WDR36: variants seen among roughly 807,000 people sequenced by gnomAD.
WDR36 encodes the protein WD repeat domain 36.
A neutral mutation model predicts 112.7 loss-of-function variants in WDR36; 63 were observed. The ratio of observed to expected loss-of-function variants is 0.56; its 90% CI spans 0.46 to 0.69. WDR36 has a LOEUF of 0.69. WDR36 is among the 30% of genes least tolerant of loss of function. The pLI, the probability that WDR36 is intolerant of heterozygous loss-of-function variation, is 0.00. For synonymous variants in WDR36, 410 were observed against 362.2 expected (o/e 1.13, Z -1.50); for missense variants, 1,226 against 1,070.3 (o/e 1.15, Z -2.03).
At chr5:111,094,789 T>G (rs1159747177) in intron 1 of WDR36, 131 bp from the exon 2 acceptor site, 3 of 725,000 alleles carry the variant, frequency 4.1e-6, no homozygotes, top group Non-Finnish European at 6.9e-6. Context: ...AAAATTAGTG[T>G]CAGTAAGTGT....
chr5:111,118,834 A>G lies in WDR36; in HGVS notation c.1797-179A>G, dbSNP rs73226358. On this transcript the variant is annotated intron_variant, in intron 16 of 22. Transcript: ENST00000513710. Reference sequence around the variant, plus strand: ...TCATTAAGTGAGATTATTTTCACATAGTAACTTAGTTAACAAAGCTGTTTA... The same window carrying G: ...TCATTAAGTGAGATTATTTTCACATGGTAACTTAGTTAACAAAGCTGTTTA... Among the ~76,000 whole-genome samples the G allele has an allele frequency of 0.023, 3,506 of 152,264 alleles. 138 individuals are homozygous for G. The highest frequency in any genetic ancestry group is 0.08 in the African/African-American group (3,343 of 41,530).
At position 111,104,944 on chromosome 5, in the gene WDR36, A is replaced by T. The variant is rs549226354; in HGVS notation, c.1027+127A>T. 5.3e-5 allele frequency: 76 copies of T among 1,432,972 alleles called. 1 individual carries two copies. In the South Asian group the frequency reaches 8.4e-4, roughly 16 times the overall value. The allele number at this position is 1,432,972 out of a possible 1,614,324, so 88.8% of individuals were successfully genotyped here. A position where few individuals can be genotyped will look rare whatever the true frequency, so the allele number is the denominator to read the frequency against. On this transcript the variant is annotated intron_variant, in intron 9 of 22. Coordinates refer to ENST00000513710, the MANE Select transcript of WDR36 (RefSeq NM_139281.3). ...CTTTGAGTGACTTAGAAGTCTGGGT[A>T]AAACTAAGAGTCCTTTTTGTCTACT...
At position 111,113,038 on chromosome 5, in the gene WDR36, ATATATATATATATATT is replaced by A; in HGVS notation, c.1717-34_1717-19del. On this transcript the variant is annotated intron_variant, in intron 15 of 22. Transcript: ENST00000513710. ...TCATATATATTTATATATAAATAATATATATATATATATATTTTTTTTTTTTAATTTAAAGGCTTTT... is the reference window on the plus strand; with the variant it reads ...TCATATATATTTATATATAAATAATATTTTTTTTTTAATTTAAAGGCTTTT... The A allele has an allele frequency of 2.9e-6, 1 of 350,404 alleles. No homozygotes were observed. The highest frequency in any genetic ancestry group is 4.1e-6 in the Non-Finnish European group (1 of 241,406). 21.7% of individuals were successfully genotyped at this position (350,404 alleles called of 1,614,324 possible). A position where few individuals can be genotyped will look rare whatever the true frequency, so the allele number is the denominator to read the frequency against.
chr5:111,127,863 G>C lies in WDR36; in HGVS notation c.*980G>C, dbSNP rs1435390956. 1 of 209,936 alleles carries C rather than the reference G, an allele frequency of 4.8e-6. No individual in the cohort carries two copies. Among genetic ancestry groups the C allele is most frequent in the Non-Finnish European group, 9.6e-6 (1 of 104,002 alleles). The allele number at this position is 209,936 out of a possible 1,614,324, so 13.0% of individuals were successfully genotyped here. A position where few individuals can be genotyped will look rare whatever the true frequency, so the allele number is the denominator to read the frequency against. On this transcript the variant is annotated 3_prime_UTR_variant, in exon 23 of 23. Coordinates refer to ENST00000513710, the MANE Select transcript of WDR36 (RefSeq NM_139281.3). ...ACAATTTTTAGCAATATTGTTTATT[G>C]CTACCACAGCCAAGAATGGGTATTT...
Position 111,092,358 on chromosome 5 carries a change from CA to C in WDR36, c.-98del. 1.2e-6 allele frequency: 2 copies of C among 1,614,232 alleles called. No homozygotes were observed. The highest frequency in any genetic ancestry group is 1.7e-6 in the Non-Finnish European group (2 of 1,180,058). On this transcript the variant is annotated 5_prime_UTR_variant, in exon 1 of 23. Transcript: ENST00000513710. ...GGCGCCGGAAGCGGTGTTGTGTCTGCAGCTCTGGCAGAGGACTGTTCCACTA... is the reference window on the plus strand; with the variant it reads ...GGCGCCGGAAGCGGTGTTGTGTCTGCGCTCTGGCAGAGGACTGTTCCACTA...
chr5:111,099,517 A>G (rs868069352), intron 4 of WDR36, among the ~76,000 whole-genome samples: 18 of 124,026 alleles, frequency 1.5e-4, no homozygotes, highest in Non-Finnish European at 8.5e-5. Context: ...ATTTCTGGGA[A>G]TTATTCCAGG....
At chr5:111,103,697 T>C in intron 6 of WDR36, 89 bp from the exon 7 acceptor site, 2 of 1,518,634 alleles carry the variant, frequency 1.3e-6, no homozygotes, top group Non-Finnish European at 1.8e-6. Flanking sequence ...ATTATTTCTT[T>C]TGATAACACC....
At chr5:111,113,512 A>G (rs1308502119) in intron 16 of WDR36, among the ~76,000 whole-genome samples, 1 of 152,074 alleles carries the variant, frequency 6.6e-6, no homozygotes. Flanking sequence ...TTCATGCTGA[A>G]TTTAGTTAAA....
At chr5:111,116,179 C>T (rs1487373941) in intron 16 of WDR36, among the ~76,000 whole-genome samples, 1 of 151,722 alleles carries the variant, frequency 6.6e-6, no homozygotes, top group East Asian at 1.9e-4. Flanking sequence ...AAACTCCTGA[C>T]CTCAAGTGAT....
In WDR36 at chr5:111,110,312, T is replaced by C. The variant is rs1026234241; in HGVS notation, c.1441+9T>C. 3 of 1,598,366 alleles carry C rather than the reference T, an allele frequency of 1.9e-6. No individual in the cohort carries two copies. Among genetic ancestry groups the C allele is most frequent in the African/African-American group, 2.7e-5 (2 of 74,546 alleles). ...TTTTGGCAAGGATCAAGGTAGAGAA[T>C]TTTTTTCCTTGTTTTTTATTAATGT... On this transcript the variant is annotated intron_variant, in intron 13 of 22. Transcript: ENST00000513710.
At chr5:111,096,734 C>T (rs551393655) in intron 2 of WDR36, among the ~76,000 whole-genome samples, 9 of 151,956 alleles carry the variant, frequency 5.9e-5, no homozygotes, top group Admixed American at 5.2e-4. Flanking sequence ...AAGATGTTCA[C>T]GTGAAGACTG....
intron 17 of WDR36, among the ~76,000 whole-genome samples, chr5:111,119,647 G>A (rs758997722): frequency 1.3e-5 from 2 of 151,904 alleles, no homozygotes; most frequent in Admixed American, 1.3e-4. Flanking sequence ...CATCACCTGG[G>A]TTTAGAAAAA....
chr5:111,125,805 A>G lies in WDR36; in HGVS notation c.2538+10A>G, dbSNP rs748029683. The G allele has an allele frequency of 5.0e-6, 8 of 1,613,544 alleles. No individual in the cohort carries two copies. The South Asian group carries it at 7.7e-5, about 16-fold the overall frequency. On this transcript the variant is annotated intron_variant, in intron 22 of 22. Transcript: ENST00000513710. ...TGCATTGTTTCTAAAGGTAAGTCTA[A>G]TGTAAGACAGTACTGCCCAGCTTGT...
Position 111,111,128 on chromosome 5 carries a change from AG to A in WDR36, c.1608-39del, listed in dbSNP as rs765006947. 2.5e-6 allele frequency: 4 copies of A among 1,596,150 alleles called. No individual in the cohort carries two copies. The Admixed American group carries it at 6.7e-5, about 27-fold the overall frequency. On this transcript the variant is annotated intron_variant, in intron 14 of 22. Transcript: ENST00000513710. ...CAAGTGGAGGTGAGATTTTAGTTCA[AG>A]GGTTTTTTGTTTATTAAAACTGGTG...
intron 1 of WDR36, 58 bp downstream of exon 1, chr5:111,092,676 T>C (rs538703421): frequency 1.3e-6 from 2 of 1,552,544 alleles, no homozygotes; most frequent in Admixed American, 3.7e-5. Flanking sequence ...CCTCTAACTC[T>C]GTCCTGGAGC....
At chr5:111,102,439 A>C (rs890721280) in intron 6 of WDR36, 40 bp downstream of exon 6, 1 of 1,575,406 alleles carries the variant, frequency 6.3e-7, no homozygotes, top group Non-Finnish European at 8.7e-7. Context: ...AACAAAGTTA[A>C]TAGGAAAATC....
At chr5:111,118,421 G>A (rs1005000307) in intron 16 of WDR36, among the ~76,000 whole-genome samples, 17 of 152,208 alleles carry the variant, frequency 1.1e-4, no homozygotes, top group African/African-American at 4.1e-4. Context: ...CCCTTCAGCA[G>A]TTTAAAGCTA....
intron 4 of WDR36, among the ~76,000 whole-genome samples, chr5:111,099,455 T>A (rs1753069883): frequency 1.5e-5 from 1 of 67,202 alleles, no homozygotes; most frequent in South Asian, 9.7e-4. Context: ...TTTTTTGTTT[T>A]TTTTTTTGTT....
chr5:111,094,231 A>G (rs1042863066), intron 1 of WDR36, among the ~76,000 whole-genome samples: 1 of 152,224 alleles, frequency 6.6e-6, no homozygotes, highest in Non-Finnish European at 1.5e-5. Flanking sequence ...AGCAGTTACT[A>G]TATGACTGGC....
Sources: gnomAD v4.1 joint callset for allele counts (sites outside exome capture counted in the v4.1 genomes callset) on GRCh38, gnomAD v4.1.1 for gene constraint, MANE v1.5 for transcripts, NCBI Gene and HGNC (gene_info 2026-07-23, HGNC 2026-07-21) for gene names.